AFG3L2: variants seen among roughly 807,000 people sequenced by gnomAD.
The protein encoded by AFG3L2 is mitochondrial inner membrane m-AAA protease component AFG3L2.
A neutral mutation model predicts 94.5 loss-of-function variants in AFG3L2; 54 were observed. The observed-to-expected ratio is 0.57, with a 90% CI of 0.46 to 0.72. The LOEUF (loss-of-function observed/expected upper bound fraction) is 0.72. Ranked by LOEUF, AFG3L2 falls within the 30% of genes least tolerant of loss-of-function variation. AFG3L2 has a pLI of 0.00. For missense variants in AFG3L2, 754 were observed against 994.9 expected, an observed-to-expected ratio of 0.76 and a Z score of 3.26; for synonymous variants, 377 against 365.5, an observed-to-expected ratio of 1.03 and a Z score of -0.36.
At chr18:12,369,548 T>C (rs1321337887) in intron 3 of AFG3L2, among the ~76,000 whole-genome samples, 1 of 147,948 alleles carries the variant, frequency 6.8e-6, no homozygotes, top group African/African-American at 2.5e-5. Flanking sequence ...TTGGCCAACA[T>C]GGTGAAACCT....
At chr18:12,376,515 G>A (rs1909160849) in intron 1 of AFG3L2, among the ~76,000 whole-genome samples, 1 of 152,226 alleles carries the variant, frequency 6.6e-6, no homozygotes, top group Non-Finnish European at 1.5e-5. Flanking sequence ...GTCCTGGAAT[G>A]CCCGCAATGG....
At chr18:12,366,167 C>T (rs1490258423) in intron 5 of AFG3L2, among the ~76,000 whole-genome samples, 1 of 152,120 alleles carries the variant, frequency 6.6e-6, no homozygotes, top group East Asian at 1.9e-4. Flanking sequence ...TGACCCACTA[C>T]GCCCGGCCAC....
intron 14 of AFG3L2, chr18:12,343,859 C>T (rs537480961): frequency 5.8e-6 from 3 of 521,264 alleles, no homozygotes; most frequent in Non-Finnish European, 1.0e-5. Flanking sequence ...GCTCCCAGTT[C>T]AAACCCACTG....
intron 16 of AFG3L2, among the ~76,000 whole-genome samples, chr18:12,330,101 G>A (rs1004299162): frequency 7.9e-5 from 12 of 152,212 alleles, no homozygotes; most frequent in South Asian, 2.1e-4. Flanking sequence ...TTGGGAGGCC[G>A]AGGCGGGTGG....
Position 12,329,684 on chromosome 18 carries a change from A to T in AFG3L2, c.2275T>A (p.Phe759Ile). The T allele has an allele frequency of 1.2e-6, 2 of 1,614,110 alleles. No homozygotes were observed. The highest frequency in any genetic ancestry group is 1.7e-6 in the Non-Finnish European group (2 of 1,180,022). The change falls in exon 17 of 17, where the codon TTT (phenylalanine) becomes ATT (isoleucine). Residue 759 changes from phenylalanine to isoleucine, a missense_variant. Phe to Ile is a conservative substitution (Grantham distance 21). Transcript: ENST00000269143. ...TCCAAGCTGCCAGTGCCTTCCACAA[A>T]TTCTTCATAGGTAGATTTTTCCGCA... Reference protein sequence around the residue: ...PFAEKSTYEEFVEGTGSLDED... With the variant: ...PFAEKSTYEEIVEGTGSLDED...
intron 13 of AFG3L2, 47 bp downstream of exon 13, chr18:12,348,226 A>C (rs1425283263): frequency 6.6e-7 from 1 of 1,518,886 alleles, no homozygotes; most frequent in East Asian, 2.3e-5. Flanking sequence ...CTGGCCTCAA[A>C]TTCATTTTAT....
intron 13 of AFG3L2, among the ~76,000 whole-genome samples, chr18:12,347,548 ATTATTAT>A (rs1433299845): frequency 3.4e-5 from 3 of 87,276 alleles, no homozygotes; most frequent in South Asian, 5.1e-4. Flanking sequence ...TTTATTTATT[ATTATTAT>A]TTTTTTTTTT....
chr18:12,338,846 A>G (rs538357599), intron 15 of AFG3L2, among the ~76,000 whole-genome samples: 1 of 152,332 alleles, frequency 6.6e-6, no homozygotes, highest in South Asian at 2.1e-4. Flanking sequence ...GACATATGAT[A>G]TGAAAGATCT....
rs553256659 is a variant in AFG3L2 at position 12,348,653 on chromosome 18, A to G, written c.1553-270T>C. On this transcript the variant is annotated intron_variant, in intron 12 of 16. Coordinates refer to ENST00000269143, the MANE Select transcript of AFG3L2 (RefSeq NM_006796.3). ...AGGCAACTATTTACCTTAATAGACAATATAGCTCACATAATAGCAAACTAA... is the reference window on the plus strand; with the variant it reads ...AGGCAACTATTTACCTTAATAGACAGTATAGCTCACATAATAGCAAACTAA... Among the ~76,000 whole-genome samples, 21 of 152,370 alleles carry G rather than the reference A, an allele frequency of 1.4e-4. No individual in the cohort carries two copies. In the South Asian group the frequency reaches 4.1e-3, roughly 30 times the overall value.
At chr18:12,355,613 AT>A (rs1908467906) in intron 9 of AFG3L2, among the ~76,000 whole-genome samples, 1 of 152,172 alleles carries the variant, frequency 6.6e-6, no homozygotes, top group Non-Finnish European at 1.5e-5. Context: ...TTTCATTTAC[AT>A]GGAATGTCTG....
chr18:12,344,400 C>CCT, intron 13 of AFG3L2, 153 bp from the exon 14 acceptor site: 1 of 678,948 alleles, frequency 1.5e-6, no homozygotes, highest in Non-Finnish European at 2.7e-6. Context: ...CAAGGCCAGG[C>CCT]GCAGTGGCTC....
At chr18:12,330,057 G>A (rs143089945) in intron 16 of AFG3L2, among the ~76,000 whole-genome samples, 7 of 152,372 alleles carry the variant, frequency 4.6e-5, no homozygotes, top group East Asian at 1.9e-4. Context: ...GAAGCTGGCC[G>A]GGCGCGGTAG....
In AFG3L2 at chr18:12,352,996, A is replaced by AC; in HGVS notation, c.1318+8dup. 1 of 1,612,940 alleles carries AC rather than the reference A, an allele frequency of 6.2e-7. No individual in the cohort carries two copies. The highest frequency in any genetic ancestry group is 2.2e-5 in the East Asian group (1 of 44,844). Reference sequence around the variant, plus strand: ...TGCAGTTAAAGATACAAAAGCCTTGACCACTCACCATCCATCTCCACCAGC... The same window carrying AC: ...TGCAGTTAAAGATACAAAAGCCTTGACCCACTCACCATCCATCTCCACCAGC... On this transcript the variant is annotated intron_variant, in intron 10 of 16. Coordinates refer to ENST00000269143, the MANE Select transcript of AFG3L2 (RefSeq NM_006796.3).
intron 12 of AFG3L2, 66 bp from the exon 13 acceptor site, chr18:12,348,449 G>T: frequency 8.3e-7 from 1 of 1,201,590 alleles, no homozygotes; most frequent in Non-Finnish European, 1.2e-6. Flanking sequence ...CACACAATAT[G>T]GACAGCCAAA....
intron 14 of AFG3L2, among the ~76,000 whole-genome samples, 171 bp from the exon 15 acceptor site, chr18:12,340,572 C>T (rs1907916407): frequency 1.4e-5 from 2 of 140,198 alleles, no homozygotes; most frequent in African/African-American, 5.4e-5. Context: ...AGTATTTTCT[C>T]TCAGGATAAG....
chr18:12,373,911 G>C (rs1386494080), intron 1 of AFG3L2, among the ~76,000 whole-genome samples: 1 of 152,056 alleles, frequency 6.6e-6, no homozygotes, highest in East Asian at 1.9e-4. Context: ...ACCTCCCACT[G>C]GGCCCCACCT....
At chr18:12,346,328 C>G (rs1908133831) in intron 13 of AFG3L2, among the ~76,000 whole-genome samples, 1 of 152,220 alleles carries the variant, frequency 6.6e-6, no homozygotes, top group African/African-American at 2.4e-5. Flanking sequence ...CTCACTCCAC[C>G]TGGCACACCC....
chr18:12,358,720 A>G lies in AFG3L2; in HGVS notation c.976T>C (p.Phe326Leu). ...AKLEIMEFVN[F>L]LKNPKQYQDL... Reference sequence around the variant, plus strand: ...TGATACTGCTTTGGGTTTTTCAAGAAATTCACAAATTCCATGATCTCTAGC... The same window carrying G: ...TGATACTGCTTTGGGTTTTTCAAGAGATTCACAAATTCCATGATCTCTAGC... Residue 326 changes from phenylalanine to leucine, a missense_variant, in exon 8 of 17, where the codon TTC (phenylalanine) becomes CTC (leucine). Phe to Leu is a conservative substitution (Grantham distance 22). Transcript: ENST00000269143. 6.2e-7 allele frequency: 1 copy of G among 1,614,238 alleles called. No individual in the cohort carries two copies. The highest frequency in any genetic ancestry group is 8.5e-7 in the Non-Finnish European group (1 of 1,180,040).
intron 16 of AFG3L2, among the ~76,000 whole-genome samples, chr18:12,334,060 T>A (rs569698512): frequency 6.7e-6 from 1 of 149,534 alleles, no homozygotes; most frequent in East Asian, 2.1e-4. Flanking sequence ...GGTACACAGG[T>A]GTTGGGTGAA....
Sources: allele counts gnomAD v4.1 joint callset (sites outside exome capture counted in the v4.1 genomes callset), GRCh38; gene constraint gnomAD v4.1.1; transcripts MANE v1.5; gene names NCBI Gene and HGNC (gene_info 2026-07-23, HGNC 2026-07-21).